ANTXR1: variants seen among roughly 807,000 people sequenced by gnomAD.
ANTXR1 encodes ANTXR cell adhesion molecule 1.
ANTXR1 carries 19 observed loss-of-function variants against 78.1 expected under a neutral mutation model. The ratio of observed to expected loss-of-function variants is 0.24; its 90% CI spans 0.17 to 0.36. The LOEUF is 0.36. ANTXR1 is among the 10% of genes least tolerant of loss of function. The pLI, the probability that ANTXR1 is intolerant of heterozygous loss-of-function variation, is 1.00. For missense variants in ANTXR1, 518 were observed against 718.6 expected (o/e 0.72, Z 3.19); for synonymous variants, 273 against 260.5 (o/e 1.05, Z -0.46).
chr2:69,205,532 C>T (rs934082379), intron 17 of ANTXR1, among the ~76,000 whole-genome samples: 3 of 151,938 alleles, frequency 2.0e-5, no homozygotes, highest in Non-Finnish European at 4.4e-5. Flanking sequence ...TAATTTTAAC[C>T]AATACTGACT....
chr2:69,053,656 T>C (rs2104128256), intron 3 of ANTXR1, among the ~76,000 whole-genome samples: 2 of 152,320 alleles, frequency 1.3e-5, no homozygotes, highest in South Asian at 4.1e-4. Context: ...ATCATTATCT[T>C]TGACTGGAAA....
At position 69,108,266 on chromosome 2, in the gene ANTXR1, C is replaced by T. The variant is rs186327894; in HGVS notation, c.802+5326C>T. 1.4e-3 allele frequency among the ~76,000 whole-genome samples: 213 copies of T among 152,144 alleles called. 1 individual carries two copies. Among genetic ancestry groups the T allele is most frequent in the East Asian group, 2.9e-3 (15 of 5,188 alleles). On this transcript the variant is annotated intron_variant, in intron 10 of 17. Coordinates refer to ENST00000303714, the MANE Select transcript of ANTXR1 (RefSeq NM_032208.3). ...TATAAATACAGGAAAAGCAGCCAAA[C>T]GTCATTGCTCTAAAATAATGCTTGT...
chr2:69,018,709 C>A (rs563745794), intron 1 of ANTXR1, among the ~76,000 whole-genome samples: 1 of 152,140 alleles, frequency 6.6e-6, no homozygotes, highest in Non-Finnish European at 1.5e-5. Context: ...GATTAGATCA[C>A]GACAGAGCTA....
At chr2:69,080,877 G>A (rs1268506016) in intron 8 of ANTXR1, among the ~76,000 whole-genome samples, 2 of 152,142 alleles carry the variant, frequency 1.3e-5, no homozygotes, top group Non-Finnish European at 2.9e-5. Context: ...AAAGACCAAT[G>A]CTTAAAGTGA....
chr2:69,159,481 C>T (rs1673620095), intron 13 of ANTXR1, among the ~76,000 whole-genome samples: 1 of 151,836 alleles, frequency 6.6e-6, no homozygotes, highest in Non-Finnish European at 1.5e-5. Context: ...AAACTGTACA[C>T]TTAAAAATAA....
intron 13 of ANTXR1, among the ~76,000 whole-genome samples, chr2:69,161,999 C>T (rs1018327746): frequency 1.3e-5 from 2 of 149,176 alleles, no homozygotes; most frequent in Non-Finnish European, 3.0e-5. Context: ...AACCTCTGAG[C>T]GTGCAGGAAG....
At chr2:69,200,800 G>A (rs1221872270) in intron 17 of ANTXR1, among the ~76,000 whole-genome samples, 1 of 152,188 alleles carries the variant, frequency 6.6e-6, no homozygotes, top group Non-Finnish European at 1.5e-5. Context: ...GTCATGCACT[G>A]TATGAACTGC....
At chr2:69,120,674 GATA>G (rs751426166) in intron 10 of ANTXR1, among the ~76,000 whole-genome samples, 82 of 151,470 alleles carry the variant, frequency 5.4e-4, no homozygotes, top group African/African-American at 1.7e-3. Flanking sequence ...AGAAAAAAAA[GATA>G]ATAATAATAA....
chr2:69,023,194 CAA>C (rs1401739120), intron 1 of ANTXR1, among the ~76,000 whole-genome samples: 1 of 152,182 alleles, frequency 6.6e-6, no homozygotes, highest in Non-Finnish European at 1.5e-5. Context: ...GTCTGCCTCA[CAA>C]AAGTGTTGTA....
intron 3 of ANTXR1, among the ~76,000 whole-genome samples, chr2:69,068,096 GTT>G (rs1281234634): frequency 1.3e-5 from 2 of 152,034 alleles, no homozygotes; most frequent in African/African-American, 4.8e-5. Flanking sequence ...CCCCAAAATG[GTT>G]TCTTCCCAGA....
intron 8 of ANTXR1, among the ~76,000 whole-genome samples, chr2:69,089,418 C>G (rs1671156892): frequency 6.6e-6 from 1 of 152,158 alleles, no homozygotes; most frequent in Non-Finnish European, 1.5e-5. Context: ...TGTTTTCATT[C>G]CACAGATTGA....
chr2:69,160,715 T>G (rs897825061), intron 13 of ANTXR1, among the ~76,000 whole-genome samples: 8 of 152,232 alleles, frequency 5.3e-5, no homozygotes, highest in African/African-American at 1.9e-4. Context: ...GTTGAATCAC[T>G]GCCTTTACTG....
intron 17 of ANTXR1, among the ~76,000 whole-genome samples, chr2:69,202,421 G>A (rs1674794813): frequency 6.6e-6 from 1 of 152,144 alleles, no homozygotes; most frequent in African/African-American, 2.4e-5. Flanking sequence ...GATGGGGTTG[G>A]GAGCAAAGCT....
chr2:69,025,071 C>A (rs1231264749), intron 1 of ANTXR1, among the ~76,000 whole-genome samples: 2 of 152,124 alleles, frequency 1.3e-5, no homozygotes, highest in Non-Finnish European at 2.9e-5. Context: ...AAAAACTGTA[C>A]TGCATAGTTC....
intron 14 of ANTXR1, among the ~76,000 whole-genome samples, chr2:69,170,847 GA>G (rs530095066): frequency 1.2e-4 from 19 of 152,122 alleles, no homozygotes; most frequent in Non-Finnish European, 2.2e-4. Flanking sequence ...GTCATCTAAA[GA>G]AAAAAATTCT....
At chr2:69,150,017 C>T (rs1463461652) in intron 12 of ANTXR1, among the ~76,000 whole-genome samples, 1 of 152,226 alleles carries the variant, frequency 6.6e-6, no homozygotes, top group Non-Finnish European at 1.5e-5. Context: ...AGCCCTGCAC[C>T]GGCACTTGTG....
At chr2:69,209,161 A>G (rs1324904993) in intron 17 of ANTXR1, among the ~76,000 whole-genome samples, 1 of 152,242 alleles carries the variant, frequency 6.6e-6, no homozygotes, top group Non-Finnish European at 1.5e-5. Context: ...CCTTGTTCTA[A>G]GTATCTGTAC....
chr2:69,234,825 A>G (rs181610116), intron 17 of ANTXR1, among the ~76,000 whole-genome samples: 152 of 152,200 alleles, frequency 1.0e-3, no homozygotes, highest in African/African-American at 3.6e-3. Context: ...GCTAGGATCA[A>G]TTATTTAACC....
At chr2:69,229,970 G>A (rs988132205) in intron 17 of ANTXR1, among the ~76,000 whole-genome samples, 1 of 152,012 alleles carries the variant, frequency 6.6e-6, no homozygotes, top group Non-Finnish European at 1.5e-5. Context: ...GCCACACTGG[G>A]TCACCACTCA....
Sources: allele counts gnomAD v4.1 joint callset (sites outside exome capture counted in the v4.1 genomes callset), GRCh38; gene constraint gnomAD v4.1.1; transcripts MANE v1.5; gene names NCBI Gene and HGNC (gene_info 2026-07-23, HGNC 2026-07-21).